The following PRKG1 variants were observed in gnomAD, a reference collection of about 807,000 sequenced individuals.
PRKG1 encodes the protein cGMP-dependent protein kinase 1.
In PRKG1, 35 loss-of-function variants were observed where a neutral mutation model predicts 88.1. The ratio of observed to expected loss-of-function variants is 0.40; its 90% CI spans 0.30 to 0.53. The LOEUF is 0.53. PRKG1 is among the 20% of genes least tolerant of loss of function. The pLI, the probability that PRKG1 is intolerant of heterozygous loss-of-function variation, is 0.59. For synonymous variants in PRKG1, 303 were observed against 292.5 expected (o/e 1.04, Z -0.37); for missense variants, 540 against 839.8 (o/e 0.64, Z 4.41).
intron 7 of PRKG1, among the ~76,000 whole-genome samples, chr10:52,118,880 A>G (rs1847750303): frequency 6.6e-6 from 1 of 152,056 alleles, no homozygotes; most frequent in Non-Finnish European, 1.5e-5. Flanking sequence ...CTTTTTTCCA[A>G]TTTAACTTTA....
At chr10:51,084,444 A>G (rs962193201) in intron 1 of PRKG1, among the ~76,000 whole-genome samples, 4 of 152,206 alleles carry the variant, frequency 2.6e-5, no homozygotes, top group African/African-American at 7.2e-5. Flanking sequence ...CTACCAAGAT[A>G]TACTACTTTC....
intron 2 of PRKG1, among the ~76,000 whole-genome samples, chr10:51,235,808 T>C (rs1375013273): frequency 6.6e-6 from 1 of 152,008 alleles, no homozygotes; most frequent in Non-Finnish European, 1.5e-5. Flanking sequence ...CAGGAAAGTA[T>C]GTAAAGCAAT....
In PRKG1 at chr10:51,173,416, G is replaced by A. The variant is rs1010425780; in HGVS notation, c.478+20086G>A. Among the ~76,000 whole-genome samples the A allele has an allele frequency of 5.1e-4, 77 of 151,366 alleles. 3 individuals are homozygous for A. Among genetic ancestry groups the A allele is most frequent in the Non-Finnish European group, 4.4e-5 (3 of 67,670 alleles). On this transcript the variant is annotated intron_variant, in intron 2 of 17. Transcript: ENST00000373980. ...TAAGATCATTAGAGTTGGGCAGTGT[G>A]TGTGTGTGTGTATTTGTGTGTGTGT...
chr10:51,702,871 G>A lies in PRKG1; in HGVS notation c.593-101714G>A, dbSNP rs556522492. Among the ~76,000 whole-genome samples, 13 of 152,010 alleles carry A rather than the reference G, an allele frequency of 8.6e-5. No individual in the cohort carries two copies. In the South Asian group the frequency reaches 2.5e-3, roughly 29 times the overall value. On this transcript the variant is annotated intron_variant, in intron 3 of 17. Coordinates refer to ENST00000373980, the MANE Select transcript of PRKG1 (RefSeq NM_006258.4). ...ACTACTCATGGCTAATTTTTTGTGCGTTTTGTAGAGACGGGGTTTCACCGT... is the reference window on the plus strand; with the variant it reads ...ACTACTCATGGCTAATTTTTTGTGCATTTTGTAGAGACGGGGTTTCACCGT...
intron 5 of PRKG1, among the ~76,000 whole-genome samples, chr10:51,933,445 A>C (rs888762057): frequency 2.0e-5 from 3 of 152,070 alleles, no homozygotes; most frequent in African/African-American, 7.2e-5. Flanking sequence ...ATAACCGATA[A>C]TTTCATGATT....
intron 5 of PRKG1, chr10:51,908,734 A>ATATATATATATT (rs563212069): frequency 5.7e-5 from 3 of 52,222 alleles, no homozygotes; most frequent in African/African-American, 1.7e-4. Flanking sequence ...TCTATATGTA[A>ATATATATATATT]TTTTTTTTTT....
intron 2 of PRKG1, among the ~76,000 whole-genome samples, chr10:51,293,887 A>G (rs1208087884): frequency 6.6e-6 from 1 of 151,900 alleles, no homozygotes; most frequent in Non-Finnish European, 1.5e-5. Context: ...CCTCACCAAC[A>G]TTTCTGTCTT....
At chr10:51,205,127 C>CTTTTTTTTTTTTTTTTT (rs58176913) in intron 2 of PRKG1, among the ~76,000 whole-genome samples, 64 of 64,000 alleles carry the variant, frequency 1.0e-3, no homozygotes, top group African/African-American at 1.8e-3. Flanking sequence ...ATTTTCTTTT[C>CTTTTTTTTTTTTTTTTT]TTTTTTTTTT....
intron 3 of PRKG1, among the ~76,000 whole-genome samples, chr10:51,474,445 A>G (rs1212624043): frequency 1.3e-5 from 2 of 152,010 alleles, no homozygotes; most frequent in African/African-American, 4.8e-5. Flanking sequence ...CATCTGTTGT[A>G]AAAAGATGAA....
intron 2 of PRKG1, among the ~76,000 whole-genome samples, chr10:51,184,764 A>T (rs1837441014): frequency 6.6e-6 from 1 of 152,140 alleles, no homozygotes; most frequent in African/African-American, 2.4e-5. Flanking sequence ...CTTAATTTTA[A>T]TTTGTGCAAC....
chr10:52,215,888 G>C lies in PRKG1; in HGVS notation c.1077-35682G>C, dbSNP rs16927970. On this transcript the variant is annotated intron_variant, in intron 9 of 17. Transcript: ENST00000373980. ...AAGCATAGATTATGTTTCACATGAAGAACAAAACCACAAAGGCCTAACTTG... is the reference window on the plus strand; with the variant it reads ...AAGCATAGATTATGTTTCACATGAACAACAAAACCACAAAGGCCTAACTTG... Among the ~76,000 whole-genome samples the C allele has an allele frequency of 0.032, 4,858 of 152,124 alleles. 425 individuals are homozygous for C. In the East Asian group the frequency reaches 0.37, roughly 12 times the overall value.
At chr10:51,568,579 C>T (rs1837667044) in intron 3 of PRKG1, 1 of 151,850 alleles carries the variant, frequency 6.6e-6, no homozygotes, top group African/African-American at 2.4e-5. Flanking sequence ...CAATTGTTGA[C>T]TTTTCTGTTA....
chr10:51,423,326 C>G (rs1838472547), intron 2 of PRKG1, among the ~76,000 whole-genome samples: 1 of 152,170 alleles, frequency 6.6e-6, no homozygotes, highest in Non-Finnish European at 1.5e-5. Context: ...CTTGCACTTG[C>G]AATTGCGTAT....
chr10:51,902,770 A>G (rs1842007315), intron 4 of PRKG1, among the ~76,000 whole-genome samples: 1 of 152,218 alleles, frequency 6.6e-6, no homozygotes, highest in Non-Finnish European at 1.5e-5. Flanking sequence ...ACAAGCATGC[A>G]TCCCATTAGT....
intron 3 of PRKG1, among the ~76,000 whole-genome samples, chr10:51,758,772 G>C (rs1837937473): frequency 6.6e-6 from 1 of 152,030 alleles, no homozygotes; most frequent in African/African-American, 2.4e-5. Flanking sequence ...ATGGTTTGCT[G>C]CACCCACCAA....
chr10:52,144,779 T>C (rs748249107), intron 8 of PRKG1, among the ~76,000 whole-genome samples: 14 of 152,116 alleles, frequency 9.2e-5, no homozygotes, highest in Non-Finnish European at 1.9e-4. Flanking sequence ...ATCGCATCAC[T>C]GTACTCCACC....
chr10:51,984,805 T>C (rs888650281), intron 5 of PRKG1, among the ~76,000 whole-genome samples: 1 of 152,090 alleles, frequency 6.6e-6, no homozygotes, highest in African/African-American at 2.4e-5. Flanking sequence ...TGATTAAAAT[T>C]CCCTCAAAGC....
chr10:51,565,318 C>T (rs904432308), intron 3 of PRKG1, among the ~76,000 whole-genome samples: 2 of 152,058 alleles, frequency 1.3e-5, no homozygotes, highest in African/African-American at 4.8e-5. Context: ...GCTGAGGGAG[C>T]TCTGATGAGC....
At chr10:51,499,066 G>A (rs1157778230) in intron 3 of PRKG1, among the ~76,000 whole-genome samples, 1 of 152,146 alleles carries the variant, frequency 6.6e-6, no homozygotes, top group Admixed American at 6.6e-5. Flanking sequence ...TTATAATATT[G>A]AAACAACAGT....
Sources: allele counts gnomAD v4.1 joint callset (sites outside exome capture counted in the v4.1 genomes callset), GRCh38; gene constraint gnomAD v4.1.1; transcripts MANE v1.5; gene names NCBI Gene and HGNC (gene_info 2026-07-23, HGNC 2026-07-21).